KLHL8: variants seen among roughly 807,000 people sequenced by gnomAD.
KLHL8 encodes the protein kelch like family member 8, also known as kelch-like protein 8.
A neutral mutation model predicts 63.5 loss-of-function variants in KLHL8; 38 were observed. The ratio of observed to expected loss-of-function variants is 0.60; its 90% confidence interval spans 0.46 to 0.78. The LOEUF (loss-of-function observed/expected upper bound fraction) is 0.78. Ranked by LOEUF, KLHL8 falls within the 30% of genes least tolerant of loss-of-function variation. The pLI is 0.00. For missense variants in KLHL8, 566 were observed against 752.4 expected, an observed-to-expected ratio of 0.75 and a Z score of 2.90; for synonymous variants, 224 against 254.3, an observed-to-expected ratio of 0.88 and a Z score of 1.13.
chr4:87,171,726 C>T (rs974162480), intron 6 of KLHL8, among the ~76,000 whole-genome samples: 2 of 152,278 alleles, frequency 1.3e-5, no homozygotes, highest in East Asian at 1.9e-4. Flanking sequence ...GTTTTCATAA[C>T]ATCATACGTT....
intron 4 of KLHL8, among the ~76,000 whole-genome samples, chr4:87,179,198 T>C (rs1457235311): frequency 1.3e-5 from 2 of 152,100 alleles, no homozygotes; most frequent in African/African-American, 4.8e-5. Context: ...ACCCAACAAG[T>C]TCAAAAGGAT....
chr4:87,168,049 C>T (rs1021494678), intron 8 of KLHL8, among the ~76,000 whole-genome samples: 65 of 152,320 alleles, frequency 4.3e-4, no homozygotes, highest in African/African-American at 1.5e-3. Flanking sequence ...CCCCGCCCCC[C>T]GCCTTACCTT....
intron 2 of KLHL8, among the ~76,000 whole-genome samples, chr4:87,188,348 C>T (rs974993798): frequency 1.3e-5 from 2 of 152,170 alleles, no homozygotes; most frequent in Admixed American, 6.5e-5. Flanking sequence ...TGCCAACACT[C>T]TCTTACATAA....
chr4:87,193,342 A>G (rs533946205), intron 2 of KLHL8, among the ~76,000 whole-genome samples: 82 of 152,302 alleles, frequency 5.4e-4, no homozygotes, highest in Non-Finnish European at 8.7e-4. Flanking sequence ...AGGATCATCC[A>G]TATCACTGTC....
intron 1 of KLHL8, among the ~76,000 whole-genome samples, chr4:87,214,983 G>C (rs1283211769): frequency 6.6e-6 from 1 of 152,058 alleles, no homozygotes; most frequent in East Asian, 1.9e-4. Flanking sequence ...ATTTTTAGTA[G>C]AGAGAGGGTT....
intron 4 of KLHL8, among the ~76,000 whole-genome samples, chr4:87,182,784 A>G (rs1330350994): frequency 2.6e-5 from 4 of 152,194 alleles, no homozygotes; most frequent in Non-Finnish European, 1.5e-5. Flanking sequence ...TTTATTTGGT[A>G]AAATGAAAAA....
chr4:87,203,297 G>A (rs923647063), intron 1 of KLHL8, among the ~76,000 whole-genome samples: 2 of 152,030 alleles, frequency 1.3e-5, no homozygotes, highest in African/African-American at 2.4e-5. Flanking sequence ...CAGCACTTTG[G>A]GAGGCCGAGA....
At chr4:87,236,355 C>G (rs188023546) in intron 1 of KLHL8, among the ~76,000 whole-genome samples, 1 of 151,096 alleles carries the variant, frequency 6.6e-6, no homozygotes, top group Non-Finnish European at 1.5e-5. Context: ...ACTACAGGGG[C>G]GCACCACCAT....
At chr4:87,179,637 T>A (rs1730971574) in intron 4 of KLHL8, among the ~76,000 whole-genome samples, 1 of 151,892 alleles carries the variant, frequency 6.6e-6, no homozygotes, top group African/African-American at 2.4e-5. Flanking sequence ...ATTAGCCAGC[T>A]GTGGTGGGGC....
chr4:87,179,192 A>G (rs1198556497), intron 4 of KLHL8, among the ~76,000 whole-genome samples: 1 of 152,106 alleles, frequency 6.6e-6, no homozygotes, highest in African/African-American at 2.4e-5. Context: ...CCTCAAACCC[A>G]ACAAGTTCAA....
At chr4:87,186,593 C>A (rs1731268032) in intron 2 of KLHL8, among the ~76,000 whole-genome samples, 1 of 151,760 alleles carries the variant, frequency 6.6e-6, no homozygotes, top group Non-Finnish European at 1.5e-5. Flanking sequence ...AATCCCCCAA[C>A]TTAGCCTCCC....
rs1730259451 is a variant in KLHL8 at position 87,163,638 on chromosome 4, C to T, written c.1744G>A (p.Glu582Lys). Residue 582 changes from glutamate (E) to lysine (K), a missense_variant, in exon 10 of 10, where the codon GAG becomes AAG. Glu to Lys is a moderately conservative substitution (Grantham distance 56). Coordinates refer to ENST00000273963, the MANE Select transcript of KLHL8 (RefSeq NM_020803.5). ...CAGTGAGACACAGATCCAACAAGCT[C>T]CCACCTGAAAAGACGGAGAAGAAAA... ...EAFDPVLNRWELVGSVSHCRA... is the reference protein window; with the variant it reads ...EAFDPVLNRWKLVGSVSHCRA... The T allele has an allele frequency of 1.9e-6, 3 of 1,613,280 alleles. No individual in the cohort carries two copies. Among genetic ancestry groups the T allele is most frequent in the Admixed American group, 1.7e-5 (1 of 59,820 alleles).
In KLHL8 at chr4:87,195,514, T is replaced by A. The variant is rs1731661664; in HGVS notation, c.26A>T (p.Lys9Ile). 6.2e-7 allele frequency: 1 copy of A among 1,613,434 alleles called. No homozygotes were observed. Among genetic ancestry groups the A allele is most frequent in the Non-Finnish European group, 8.5e-7 (1 of 1,179,902 alleles). ...CTTTGTAATGTGATTCCTAGCTTGT[T>A]TACTACTCATAGAATCTGAAGCCAT... MASDSMSS[K>I]QARNHITKGK... The change falls in exon 2 of 10, where the codon AAA becomes ATA. Residue 9 changes from lysine (K) to isoleucine (I), a missense_variant. By Grantham distance (102) the Lys-to-Ile change is moderately radical. Transcript: ENST00000273963.
chr4:87,210,234 C>T (rs928199902), intron 1 of KLHL8, among the ~76,000 whole-genome samples: 1 of 152,140 alleles, frequency 6.6e-6, no homozygotes, highest in Admixed American at 6.5e-5. Context: ...GTAATCCCAG[C>T]ACTTTGGGAG....
At chr4:87,236,632 TGAAAAGTCA>T (rs1733235310) in intron 1 of KLHL8, among the ~76,000 whole-genome samples, 2 of 150,920 alleles carry the variant, frequency 1.3e-5, no homozygotes, top group Non-Finnish European at 2.9e-5. Flanking sequence ...GCGTACCTTT[TGAAAAGTCA>T]TTTAATTTAT....
At chr4:87,184,642 A>G (rs1304490807) in intron 3 of KLHL8, among the ~76,000 whole-genome samples, 1 of 152,110 alleles carries the variant, frequency 6.6e-6, no homozygotes, top group Admixed American at 6.5e-5. Flanking sequence ...GAAGGAGGGA[A>G]GGGAGAGAAA....
rs1560723515 is a variant in KLHL8 at position 87,226,753 on chromosome 4, TATTA to T, written n.58-5367_58-5364del. On this transcript the variant is annotated intron_variant and non_coding_transcript_variant, in intron 1 of 1. Coordinates refer to the KLHL8 transcript ENST00000506274. ...ATATATATTATTTATATATAATATA[TATTA>T]TTTATATATAATATATATTATATAT... 9.3e-5 allele frequency among the ~76,000 whole-genome samples: 2 copies of T among 21,464 alleles called. 1 individual carries two copies. Among genetic ancestry groups the T allele is most frequent in the African/African-American group, 5.1e-4 (2 of 3,886 alleles). The allele number at this position is 21,464 out of a possible 152,430, so 14.1% of individuals were successfully genotyped here. A position where few individuals can be genotyped will look rare whatever the true frequency, so the allele number is the denominator to read the frequency against.
At chr4:87,199,101 C>G (rs1166345899) in intron 1 of KLHL8, among the ~76,000 whole-genome samples, 1 of 151,848 alleles carries the variant, frequency 6.6e-6, no homozygotes, top group Non-Finnish European at 1.5e-5. Context: ...AAGAAAAAAA[C>G]CTACTTTAAG....
rs1731669471 is a variant in KLHL8 at position 87,195,707 on chromosome 4, AAAAC to A, written c.-151-21_-151-18del. On this transcript the variant is annotated intron_variant, in intron 1 of 9. Coordinates refer to ENST00000273963, the MANE Select transcript of KLHL8 (RefSeq NM_020803.5). ...TTGCTGTGACTGAAAAATCAACAAT[AAAAC>A]AGGTAGAGACAAACGAAAAGAAAAA... The A allele has an allele frequency of 1.8e-6, 1 of 555,790 alleles. No homozygotes were observed. Among genetic ancestry groups the A allele is most frequent in the African/African-American group, 1.9e-5 (1 of 53,088 alleles). 34.4% of individuals were successfully genotyped at this position (555,790 alleles called of 1,614,324 possible).
Sources: allele counts gnomAD v4.1 joint callset (sites outside exome capture counted in the v4.1 genomes callset), GRCh38; gene constraint gnomAD v4.1.1; transcripts MANE v1.5; gene names NCBI Gene and HGNC (gene_info 2026-07-23, HGNC 2026-07-21).